Variants in CORO1C observed in about 807,000 individuals in gnomAD.
CORO1C encodes the protein coronin 1C, also known as coronin-1C.
Under a neutral mutation model 51.2 loss-of-function variants are expected in CORO1C, and 14 were observed. The ratio of observed to expected loss-of-function variants is 0.27; its 90% CI spans 0.18 to 0.43. The LOEUF is 0.43. CORO1C is among the 20% of genes least tolerant of loss of function. The probability of loss-of-function intolerance (pLI) is 1.00; values close to 1 mark genes in which losing one functional copy is unlikely to be tolerated. For synonymous variants in CORO1C, 181 were observed against 210.5 expected (o/e 0.86, Z 1.21); for missense variants, 417 against 607.8 (o/e 0.69, Z 3.30).
intron 4 of CORO1C, among the ~76,000 whole-genome samples, chr12:108,659,446 GA>G (rs936785771): frequency 2.0e-5 from 3 of 151,578 alleles, no homozygotes; most frequent in East Asian, 1.9e-4. Context: ...TAAACAAAAG[GA>G]AAAAAAATCA....
At chr12:108,693,025 T>C (rs560861974) in intron 2 of CORO1C, among the ~76,000 whole-genome samples, 5 of 152,192 alleles carry the variant, frequency 3.3e-5, no homozygotes, top group African/African-American at 9.6e-5. Flanking sequence ...CTCAAACTGC[T>C]GACCTCAGGT....
At position 108,658,814 on chromosome 12, in the gene CORO1C, T is replaced by C; in HGVS notation, c.554A>G (p.Asn185Ser). 1 of 1,613,918 alleles carries C rather than the reference T, an allele frequency of 6.2e-7. No homozygotes were observed. Among genetic ancestry groups the C allele is most frequent in the African/African-American group, 1.3e-5 (1 of 75,062 alleles). Residue 185 changes from asparagine (N) to serine (S), a missense_variant, in exon 5 of 11, where the codon AAT (asparagine) becomes AGT (serine). Asn to Ser is a conservative substitution (Grantham distance 46). Coordinates refer to ENST00000261401, the MANE Select transcript of CORO1C (RefSeq NM_014325.4). This position sits in a 1 kb window ranked among gnomAD's most constrained non-coding sequence, Gnocchi z 4.9. ...GGAAGCTGTGCAGATCAGACTGCCA[T>C]TCCGGTTCCAGCTCACATTGTAAAT... ...DMIYNVSWNR[N>S]GSLICTASKD... is the part of the protein sequence containing the mutation.
chr12:108,648,455 G>C, intron 10 of CORO1C, 150 bp downstream of exon 10: 1 of 1,047,540 alleles, frequency 9.5e-7, no homozygotes, highest in East Asian at 2.4e-5. Flanking sequence ...CCACCATCAC[G>C]TGACCGAGGA....
At chr12:108,705,014 TG>T (rs2136869300) in intron 1 of CORO1C, among the ~76,000 whole-genome samples, 1 of 152,316 alleles carries the variant, frequency 6.6e-6, no homozygotes, top group African/African-American at 2.4e-5. Context: ...GTACCTTGTA[TG>T]GTTAAATACA....
Position 108,698,406 on chromosome 12 carries a change from A to G in CORO1C, c.195+2718T>C, listed in dbSNP as rs187829510. Among the ~76,000 whole-genome samples, 194 of 152,320 alleles carry G rather than the reference A, an allele frequency of 1.3e-3. 1 individual carries two copies. Among genetic ancestry groups the G allele is most frequent in the Non-Finnish European group, 2.2e-3 (153 of 68,028 alleles). On this transcript the variant is annotated intron_variant, in intron 2 of 10. Transcript: ENST00000261401. ...ATGATCTAGAATTTCCAAGGCAGAA[A>G]ATAACTTTTTTTTCTTTTTGAGACG... is the stretch of plus-strand genomic sequence containing the variant.
intron 8 of CORO1C, among the ~76,000 whole-genome samples, chr12:108,649,992 G>A (rs1161176320): frequency 4.6e-5 from 7 of 152,096 alleles, no homozygotes; most frequent in Non-Finnish European, 2.9e-5. Context: ...TCTGAAACTG[G>A]GCAGGAGTCC....
chr12:108,684,577 T>G (rs2136841243), intron 2 of CORO1C, among the ~76,000 whole-genome samples: 1 of 152,268 alleles, frequency 6.6e-6, no homozygotes, highest in East Asian at 1.9e-4. Flanking sequence ...GAAATAAAAG[T>G]ACATGTTACA....
chr12:108,649,052 T>C (rs769792981), intron 8 of CORO1C, 32 bp from the exon 9 acceptor site: 2 of 1,608,994 alleles, frequency 1.2e-6, no homozygotes, highest in African/African-American at 2.7e-5. Flanking sequence ...AAAGTTGCAT[T>C]AAGTGAAATA....
chr12:108,700,961 A>AG, intron 2 of CORO1C, 163 bp downstream of exon 2: 1 of 761,588 alleles, frequency 1.3e-6, no homozygotes, highest in Non-Finnish European at 2.2e-6. Context: ...TCTCTGTTAG[A>AG]GAAAAACTGA....
chr12:108,680,560 T>C (rs2034089863), intron 2 of CORO1C, among the ~76,000 whole-genome samples: 1 of 152,148 alleles, frequency 6.6e-6, no homozygotes, highest in African/African-American at 2.4e-5. Flanking sequence ...AGCTGTGAAG[T>C]CCTAGCCAAA....
chr12:108,721,458 A>G lies in CORO1C; in HGVS notation c.-6+9971T>C, dbSNP rs183674630. Reference sequence around the variant, plus strand: ...CACAGTCTATACTGCAGAATTCACCATCAAAGAGTCATGTGCTTGAGGGCT... The same window carrying G: ...CACAGTCTATACTGCAGAATTCACCGTCAAAGAGTCATGTGCTTGAGGGCT... On this transcript the variant is annotated intron_variant, in intron 1 of 10. Transcript: ENST00000261401. Among the ~76,000 whole-genome samples, 58 of 152,316 alleles carry G rather than the reference A, an allele frequency of 3.8e-4. No individual in the cohort carries two copies. The East Asian group carries it at 0.01, about 27-fold the overall frequency.
At chr12:108,687,622 G>T (rs1046631157) in intron 2 of CORO1C, among the ~76,000 whole-genome samples, 1 of 151,594 alleles carries the variant, frequency 6.6e-6, no homozygotes, top group Non-Finnish European at 1.5e-5. Flanking sequence ...CCATCTTTAC[G>T]AAAATTACAA....
intron 3 of CORO1C, among the ~76,000 whole-genome samples, chr12:108,676,049 T>G (rs1171908430): frequency 1.3e-5 from 2 of 152,194 alleles, no homozygotes; most frequent in African/African-American, 4.8e-5. Flanking sequence ...ATCTTTAGAT[T>G]AAGACTTAAA....
chr12:108,701,267 C>G lies in CORO1C; in HGVS notation c.52G>C (p.Val18Leu). 6.2e-7 allele frequency: 1 copy of G among 1,614,186 alleles called. No homozygotes were observed. The highest frequency in any genetic ancestry group is 8.5e-7 in the Non-Finnish European group (1 of 1,180,038). Residue 18 changes from valine to leucine, a missense_variant, in exon 2 of 11, where the codon GTG becomes CTG. Transcript: ENST00000261401. Reference sequence around the variant, plus strand: ...TCATCATAGCACTGGTCATTTTTCACCGCTTGCCCAAATACATGCCGAAAC... The same window carrying G: ...TCATCATAGCACTGGTCATTTTTCAGCGCTTGCCCAAATACATGCCGAAAC... The part of the protein sequence containing the change: ...SKFRHVFGQA[V>L]KNDQCYDDIR...
In CORO1C at chr12:108,657,438, G is replaced by A. The variant is rs1245604646; in HGVS notation, c.631-15C>T. ...TTCTCCTTCTCCTGGAGAGCAAAAAGGCACATGCCACACATTAAACTGCAA... is the reference window on the plus strand; with the variant it reads ...TTCTCCTTCTCCTGGAGAGCAAAAAAGCACATGCCACACATTAAACTGCAA... On this transcript the variant is annotated splice_polypyrimidine_tract_variant and intron_variant, in intron 5 of 10. Transcript: ENST00000261401. The A allele has an allele frequency of 6.2e-7, 1 of 1,610,404 alleles. No individual in the cohort carries two copies. The highest frequency in any genetic ancestry group is 8.5e-7 in the Non-Finnish European group (1 of 1,178,470).
intron 2 of CORO1C, among the ~76,000 whole-genome samples, chr12:108,698,066 A>G (rs1036919285): frequency 2.0e-5 from 3 of 152,018 alleles, no homozygotes; most frequent in Non-Finnish European, 4.4e-5. Context: ...AACTTAGAAG[A>G]AAAAAAAGGC....
chr12:108,654,981 C>T (rs1302793837), intron 6 of CORO1C, among the ~76,000 whole-genome samples: 1 of 152,188 alleles, frequency 6.6e-6, no homozygotes, highest in Non-Finnish European at 1.5e-5. Context: ...GCTGGGATTA[C>T]AGGAATGGCC....
At chr12:108,730,878 G>A in intron 1 of CORO1C, 1 of 152,204 alleles carries the variant, frequency 6.6e-6, no homozygotes, top group Non-Finnish European at 1.5e-5. Context: ...CCAGGCGGCC[G>A]CCCTCGCCCC....
intron 1 of CORO1C, among the ~76,000 whole-genome samples, chr12:108,708,719 C>T (rs1487193688): frequency 6.6e-6 from 1 of 152,166 alleles, no homozygotes; most frequent in Non-Finnish European, 1.5e-5. Flanking sequence ...ACCTTGGCCT[C>T]CCAAAGTGCT....
Sources: gnomAD v4.1 joint callset for allele counts (sites outside exome capture counted in the v4.1 genomes callset) on GRCh38, gnomAD v4.1.1 for gene constraint, Gnocchi (gnomAD v3.1) non-coding constraint, MANE v1.5 for transcripts, NCBI Gene and HGNC (gene_info 2026-07-23, HGNC 2026-07-21) for gene names.